CNTN6: variants seen among roughly 807,000 people sequenced by gnomAD.
The protein encoded by CNTN6 is contactin-6.
Under a neutral mutation model 122.8 loss-of-function variants are expected in CNTN6, and 137 were observed. The observed-to-expected ratio is 1.12, with a 90% confidence interval of 0.97 to 1.29. The LOEUF (loss-of-function observed/expected upper bound fraction) is 1.29. Ranked by LOEUF, CNTN6 falls within the 50% of genes most tolerant of loss-of-function variation. The pLI, the probability that CNTN6 is intolerant of heterozygous loss-of-function variation, is 0.00. For missense variants in CNTN6, 1,634 were observed against 1,223.4 expected, an observed-to-expected ratio of 1.34 and a Z score of -5.01; for synonymous variants, 570 against 426.0, an observed-to-expected ratio of 1.34 and a Z score of -4.16.
At chr3:1,361,055 A>G (rs155897) in intron 12 of CNTN6, among the ~76,000 whole-genome samples, 29,760 of 151,980 alleles carry the variant, frequency 0.2, 3,949 homozygotes, top group East Asian at 0.67. Flanking sequence ...TTCCCAGAGT[A>G]TTGCTATAGC....
chr3:1,273,579 T>C (rs1408731341), intron 4 of CNTN6, among the ~76,000 whole-genome samples: 1 of 152,048 alleles, frequency 6.6e-6, no homozygotes, highest in Non-Finnish European at 1.5e-5. Context: ...CATATCCACA[T>C]GAGATGGTAC....
chr3:1,160,344 G>GTATATATATATATATATA (rs56703431), intron 2 of CNTN6, among the ~76,000 whole-genome samples: 2,080 of 109,820 alleles, frequency 0.019, 18 homozygotes, highest in Non-Finnish European at 0.022. Flanking sequence ...TACTTTTACT[G>GTATATATATATATATATA]TATATATATA....
chr3:1,253,322 C>T lies in CNTN6; in HGVS notation c.359-25091C>T, dbSNP rs182529609. Reference sequence around the variant, plus strand: ...CTTTTATCTCACTAGTCTTGTTCTGCGAAAATTTGAGATCTCAATAGATAG... The same window carrying T: ...CTTTTATCTCACTAGTCTTGTTCTGTGAAAATTTGAGATCTCAATAGATAG... On this transcript the variant is annotated intron_variant, in intron 4 of 22. Transcript: ENST00000446702. 1.1e-4 allele frequency among the ~76,000 whole-genome samples: 16 copies of T among 152,174 alleles called. No homozygotes were observed. In the East Asian group the frequency reaches 1.5e-3, roughly 15 times the overall value.
chr3:1,299,880 G>T (rs1696894323), intron 7 of CNTN6, among the ~76,000 whole-genome samples: 1 of 152,120 alleles, frequency 6.6e-6, no homozygotes, highest in South Asian at 2.1e-4. Context: ...TATGTTTGTT[G>T]TGAAGATTAG....
intron 2 of CNTN6, among the ~76,000 whole-genome samples, chr3:1,158,206 C>G (rs2093020775): frequency 6.6e-6 from 1 of 152,134 alleles, no homozygotes; most frequent in African/African-American, 2.4e-5. Context: ...TATTGCCAGT[C>G]TTTTGGATAT....
At chr3:1,144,770 G>A (rs185702288) in intron 1 of CNTN6, among the ~76,000 whole-genome samples, 37 of 152,044 alleles carry the variant, frequency 2.4e-4, no homozygotes, top group Non-Finnish European at 3.8e-4. Flanking sequence ...TTGGATGATG[G>A]AATGAATCAC....
At chr3:1,315,872 C>T (rs1001662950) in intron 7 of CNTN6, among the ~76,000 whole-genome samples, 1 of 151,876 alleles carries the variant, frequency 6.6e-6, no homozygotes, top group African/African-American at 2.4e-5. Context: ...TACACACACT[C>T]ATGCTTGTGT....
chr3:1,122,750 G>T lies in CNTN6; in HGVS notation c.-82-25177G>T, dbSNP rs115997929. Among the ~76,000 whole-genome samples the T allele has an allele frequency of 3.9e-3, 593 of 151,866 alleles. 10 individuals are homozygous for T. The highest frequency in any genetic ancestry group is 0.014 in the African/African-American group (568 of 41,506). ...TTTCACTTAGTATAATATTTTCAAG[G>T]TTTATCTACGTTTCGGCGTGTGTCA... On this transcript the variant is annotated intron_variant, in intron 1 of 22. Coordinates refer to ENST00000446702, the MANE Select transcript of CNTN6 (RefSeq NM_001289080.2).
chr3:1,245,148 GA>G (rs79100138), intron 4 of CNTN6, among the ~76,000 whole-genome samples: 68,895 of 68,912 alleles, frequency 1, 34,439 homozygotes, highest in Middle Eastern at 1. Context: ...GCAAAATATG[GA>G]AACCAACCCA....
intron 20 of CNTN6, among the ~76,000 whole-genome samples, chr3:1,387,616 A>T (rs1693239569): frequency 6.6e-6 from 1 of 152,174 alleles, no homozygotes; most frequent in African/African-American, 2.4e-5. Flanking sequence ...GCTCCCAGTG[A>T]AGACGCGTGA....
At chr3:1,147,873 TA>T in intron 1 of CNTN6, 53 bp from the exon 2 acceptor site, 2 of 578,632 alleles carry the variant, frequency 3.5e-6, no homozygotes, top group East Asian at 5.4e-5. Flanking sequence ...ATATGCTTAT[TA>T]AAATATTCGT....
intron 1 of CNTN6, among the ~76,000 whole-genome samples, chr3:1,145,710 G>T (rs899830345): frequency 1.3e-5 from 2 of 152,104 alleles, no homozygotes; most frequent in African/African-American, 4.8e-5. Flanking sequence ...CAAATTAAAT[G>T]ACATCTATAT....
rs575589185 is a variant in CNTN6 at position 1,320,566 on chromosome 3, G to A, written c.762-1084G>A. On this transcript the variant is annotated intron_variant, in intron 7 of 22. Transcript: ENST00000446702. ...TCTTCAAGGTTTACCAATTGACTTTGCAAAATGACTTACTACCATTATTAT... is the reference window on the plus strand; with the variant it reads ...TCTTCAAGGTTTACCAATTGACTTTACAAAATGACTTACTACCATTATTAT... 5.4e-4 allele frequency among the ~76,000 whole-genome samples: 82 copies of A among 151,612 alleles called. 1 individual carries two copies. Among genetic ancestry groups the A allele is most frequent in the South Asian group, 2.1e-4 (1 of 4,814 alleles).
intron 1 of CNTN6, among the ~76,000 whole-genome samples, chr3:1,118,246 A>G (rs2091807816): frequency 6.6e-6 from 1 of 152,204 alleles, no homozygotes; most frequent in South Asian, 2.1e-4. Context: ...TTCAATCCAC[A>G]GGACTCGGTG....
At chr3:1,301,442 T>C (rs965761428) in intron 7 of CNTN6, among the ~76,000 whole-genome samples, 1 of 152,194 alleles carries the variant, frequency 6.6e-6, no homozygotes, top group Admixed American at 6.5e-5. Context: ...GATGTGTATG[T>C]ACAAAAGAAA....
At chr3:1,249,743 A>G (rs1403502646) in intron 4 of CNTN6, among the ~76,000 whole-genome samples, 1 of 152,218 alleles carries the variant, frequency 6.6e-6, no homozygotes, top group African/African-American at 2.4e-5. Flanking sequence ...TAATTCTTCC[A>G]GAAATCCCAT....
chr3:1,100,770 T>C (rs2090847250), intron 1 of CNTN6, among the ~76,000 whole-genome samples: 1 of 152,170 alleles, frequency 6.6e-6, no homozygotes, highest in Admixed American at 6.5e-5. Flanking sequence ...ATTGCTCTTT[T>C]AAAAATTATC....
At chr3:1,340,855 G>C (rs962108824) in intron 11 of CNTN6, among the ~76,000 whole-genome samples, 1 of 152,108 alleles carries the variant, frequency 6.6e-6, no homozygotes, top group Admixed American at 6.6e-5. Flanking sequence ...GAGTGAAAGG[G>C]TTAATAATCA....
intron 12 of CNTN6, among the ~76,000 whole-genome samples, chr3:1,362,165 A>G (rs1373879364): frequency 6.6e-6 from 1 of 152,116 alleles, no homozygotes; most frequent in Non-Finnish European, 1.5e-5. Flanking sequence ...GTTTCGGACC[A>G]GCTTCTGGCT....
Sources: gnomAD v4.1 joint callset for allele counts (sites outside exome capture counted in the v4.1 genomes callset) on GRCh38, gnomAD v4.1.1 for gene constraint, MANE v1.5 for transcripts, NCBI Gene and HGNC (gene_info 2026-07-23, HGNC 2026-07-21) for gene names.